Variants in PRKN observed in about 807,000 individuals in gnomAD.
PRKN encodes parkin RBR E3 ubiquitin protein ligase.
PRKN carries 56 observed loss-of-function variants against 59.5 expected under a neutral mutation model. The observed-to-expected ratio is 0.94, with a 90% CI of 0.76 to 1.18. The LOEUF (loss-of-function observed/expected upper bound fraction) is 1.18. PRKN is among the 50% of genes most tolerant of loss of function. The probability of loss-of-function intolerance (pLI) is 0.00; values close to 1 mark genes in which losing one functional copy is unlikely to be tolerated. For missense variants in PRKN, 657 were observed against 596.4 expected (o/e 1.10, Z -1.06); for synonymous variants, 250 against 222.1 (o/e 1.13, Z -1.12).
chr6:162,534,419 G>C (rs1778635837), intron 1 of PRKN, among the ~76,000 whole-genome samples: 1 of 152,050 alleles, frequency 6.6e-6, no homozygotes, highest in Non-Finnish European at 1.5e-5. Context: ...AAAGCATGCT[G>C]TGCCTCTTTA....
chr6:161,808,522 A>T (rs1186278161), intron 6 of PRKN, among the ~76,000 whole-genome samples: 6 of 152,218 alleles, frequency 3.9e-5, no homozygotes, highest in Non-Finnish European at 8.8e-5. Flanking sequence ...GATATAGCAA[A>T]TAGGGTGAAA....
At chr6:162,198,528 C>T (rs1448868175) in intron 4 of PRKN, among the ~76,000 whole-genome samples, 1 of 151,772 alleles carries the variant, frequency 6.6e-6, no homozygotes, top group Non-Finnish European at 1.5e-5. Context: ...TTTTACATTT[C>T]TAAATATTTA....
intron 4 of PRKN, among the ~76,000 whole-genome samples, chr6:162,067,148 A>G (rs1012482726): frequency 5.7e-4 from 86 of 152,194 alleles, no homozygotes; most frequent in African/African-American, 2.1e-3. Flanking sequence ...ACAATATAGA[A>G]AGAGTCTGGG....
intron 7 of PRKN, among the ~76,000 whole-genome samples, chr6:161,726,226 A>C (rs1356366757): frequency 1.3e-5 from 2 of 152,222 alleles, no homozygotes; most frequent in Admixed American, 1.3e-4. Flanking sequence ...ATTCCAGTGG[A>C]TTCAAAGATG....
chr6:161,608,566 T>A (rs1782372078), intron 7 of PRKN, among the ~76,000 whole-genome samples: 1 of 152,060 alleles, frequency 6.6e-6, no homozygotes, highest in East Asian at 1.9e-4. Flanking sequence ...AGAGTCTCTC[T>A]CTGTCACCCA....
intron 2 of PRKN, among the ~76,000 whole-genome samples, chr6:162,331,879 C>G (rs1783594969): frequency 6.6e-6 from 1 of 152,178 alleles, no homozygotes; most frequent in African/African-American, 2.4e-5. Context: ...CCCCTTGTAG[C>G]TTCCTCCACC....
intron 6 of PRKN, among the ~76,000 whole-genome samples, chr6:161,812,485 G>T (rs910503500): frequency 6.6e-6 from 1 of 152,106 alleles, no homozygotes; most frequent in African/African-American, 2.4e-5. Flanking sequence ...TCTGAGAAAG[G>T]ACCTATGTTG....
intron 6 of PRKN, among the ~76,000 whole-genome samples, chr6:161,860,183 C>T (rs534600869): frequency 6.6e-6 from 1 of 152,278 alleles, no homozygotes; most frequent in African/African-American, 2.4e-5. Context: ...AGCGAAAAGA[C>T]AGATATTGTG....
intron 7 of PRKN, among the ~76,000 whole-genome samples, chr6:161,719,223 G>GTT (rs34171246): frequency 2.5e-4 from 37 of 147,738 alleles, no homozygotes; most frequent in African/African-American, 7.6e-4. Flanking sequence ...CATTAATGGA[G>GTT]TTTTTTTTTT....
At chr6:162,537,697 G>T (rs899590612) in intron 1 of PRKN, among the ~76,000 whole-genome samples, 2 of 152,134 alleles carry the variant, frequency 1.3e-5, no homozygotes, top group Non-Finnish European at 2.9e-5. Context: ...CTGCAATCTT[G>T]TCCTGTCCCT....
intron 3 of PRKN, among the ~76,000 whole-genome samples, chr6:162,203,348 C>T (rs1003384652): frequency 6.6e-6 from 1 of 152,080 alleles, no homozygotes; most frequent in Non-Finnish European, 1.5e-5. Context: ...TTTCCAGACC[C>T]AGCCACAAGT....
intron 1 of PRKN, among the ~76,000 whole-genome samples, chr6:162,710,374 A>AC (rs1778486499): frequency 8.0e-6 from 1 of 125,242 alleles, no homozygotes. Flanking sequence ...ACCCCCTACA[A>AC]ACACACACAC....
intron 3 of PRKN, among the ~76,000 whole-genome samples, chr6:162,253,169 G>A (rs1044790537): frequency 2.0e-5 from 3 of 152,170 alleles, no homozygotes; most frequent in Non-Finnish European, 4.4e-5. Context: ...TCCAAGAGAG[G>A]AGCATATCTA....
chr6:162,122,469 A>T (rs1167978189), intron 4 of PRKN, among the ~76,000 whole-genome samples: 1 of 152,176 alleles, frequency 6.6e-6, no homozygotes, highest in African/African-American at 2.4e-5. Context: ...CCTTGTTTCT[A>T]GAAAAATCAT....
intron 7 of PRKN, among the ~76,000 whole-genome samples, chr6:161,741,246 G>T (rs1278711950): frequency 6.6e-6 from 1 of 152,140 alleles, no homozygotes; most frequent in Non-Finnish European, 1.5e-5. Flanking sequence ...CTCATGTGAG[G>T]GTAATTCCGT....
At chr6:161,933,541 T>C (rs1298819684) in intron 6 of PRKN, among the ~76,000 whole-genome samples, 4 of 152,224 alleles carry the variant, frequency 2.6e-5, no homozygotes, top group Non-Finnish European at 5.9e-5. Flanking sequence ...TAGCTTAGTA[T>C]TGTTATGAAA....
At chr6:162,464,411 T>A (rs530374389) in intron 1 of PRKN, among the ~76,000 whole-genome samples, 1 of 152,176 alleles carries the variant, frequency 6.6e-6, no homozygotes, top group Non-Finnish European at 1.5e-5. Flanking sequence ...ACTTTTATTT[T>A]CTTAAGGAAA....
intron 9 of PRKN, among the ~76,000 whole-genome samples, chr6:161,426,676 C>CACACACACACACACAT (rs11271613): frequency 0.059 from 8,416 of 142,688 alleles, 438 homozygotes; most frequent in African/African-American, 0.085. Context: ...CACACACACA[C>CACACACACACACACAT]CTCCTATTAG....
At chr6:161,703,069 A>C (rs529938343) in intron 7 of PRKN, among the ~76,000 whole-genome samples, 1 of 152,138 alleles carries the variant, frequency 6.6e-6, no homozygotes, top group African/African-American at 2.4e-5. Flanking sequence ...AAAATGGATA[A>C]AAAGCAGGAG....
Sources: gnomAD v4.1 joint callset for allele counts (sites outside exome capture counted in the v4.1 genomes callset) on GRCh38, gnomAD v4.1.1 for gene constraint, MANE v1.5 for transcripts, NCBI Gene and HGNC (gene_info 2026-07-23, HGNC 2026-07-21) for gene names.